The following SLC23A2 variants were observed in gnomAD, a reference collection of about 807,000 sequenced individuals.
SLC23A2 encodes the protein solute carrier family 23 member 2.
Under a neutral mutation model 73.3 loss-of-function variants are expected in SLC23A2, and 36 were observed. That is an observed-to-expected ratio of 0.49 (90% CI 0.38 to 0.65). The LOEUF is 0.65. Among genes scored for constraint, SLC23A2 ranks in the 30% least tolerant of loss-of-function variants. The pLI is 0.00. For synonymous variants in SLC23A2, 343 were observed against 327.3 expected, an observed-to-expected ratio of 1.05 and a Z score of -0.52; for missense variants, 507 against 841.6, an observed-to-expected ratio of 0.60 and a Z score of 4.92.
chr20:5,009,667 G>A (rs1029410240), intron 1 of SLC23A2, among the ~76,000 whole-genome samples: 29 of 152,054 alleles, frequency 1.9e-4, no homozygotes, highest in African/African-American at 6.8e-4. Context: ...AACCAACAGG[G>A]GCTGCCCGCT....
chr20:4,993,866 A>C (rs1335322946), intron 1 of SLC23A2, among the ~76,000 whole-genome samples: 1 of 152,106 alleles, frequency 6.6e-6, no homozygotes, highest in Non-Finnish European at 1.5e-5. Flanking sequence ...AGAGTTCGAG[A>C]CCATCCTGAC....
chr20:4,963,953 G>A (rs758093786), intron 2 of SLC23A2, among the ~76,000 whole-genome samples: 11 of 151,692 alleles, frequency 7.3e-5, no homozygotes, highest in African/African-American at 9.7e-5. Context: ...TTAACATCCC[G>A]TTAACATGCA....
rs904917840 is a variant in SLC23A2, at chr20:4,983,379, G to C, written c.-281-12460C>G. 5.3e-5 allele frequency among the ~76,000 whole-genome samples: 8 copies of C among 152,282 alleles called. No homozygotes were observed. The South Asian group carries it at 1.7e-3, about 32-fold the overall frequency. On this transcript the variant is annotated intron_variant, in intron 1 of 16. Coordinates refer to ENST00000338244, the MANE Select transcript of SLC23A2 (RefSeq NM_005116.6). ...AGACACAAGCAGGCTGGGCGCAGTGGCTCACGCCTGTAATCCCAGCACTTC... is the reference window on the plus strand; with the variant it reads ...AGACACAAGCAGGCTGGGCGCAGTGCCTCACGCCTGTAATCCCAGCACTTC...
chr20:4,942,877 C>T (rs1230831539), intron 2 of SLC23A2, among the ~76,000 whole-genome samples: 1 of 152,076 alleles, frequency 6.6e-6, no homozygotes, highest in African/African-American at 2.4e-5. Flanking sequence ...CCTCCAATGG[C>T]TGAATGAATT....
At chr20:4,960,598 C>T (rs1222160968) in intron 2 of SLC23A2, among the ~76,000 whole-genome samples, 2 of 152,222 alleles carry the variant, frequency 1.3e-5, no homozygotes, top group Non-Finnish European at 2.9e-5. Context: ...TTGTAGCGCA[C>T]GCGCACACGC....
At chr20:4,892,008 C>G (rs1931349347) in intron 6 of SLC23A2, among the ~76,000 whole-genome samples, 1 of 152,106 alleles carries the variant, frequency 6.6e-6, no homozygotes, top group Non-Finnish European at 1.5e-5. Context: ...CCCACTTTGG[C>G]CTCCCAAAGT....
intron 2 of SLC23A2, among the ~76,000 whole-genome samples, chr20:4,963,416 C>A (rs957915978): frequency 1.3e-5 from 2 of 152,100 alleles, no homozygotes; most frequent in Non-Finnish European, 2.9e-5. Flanking sequence ...GGCTTCAGGA[C>A]CCCTTAGTCA....
At position 4,857,248 on chromosome 20, in the gene SLC23A2, CA is replaced by C; in HGVS notation, c.1721-45del. On this transcript the variant is annotated intron_variant, in intron 16 of 16. Coordinates refer to ENST00000338244, the MANE Select transcript of SLC23A2 (RefSeq NM_005116.6). The surrounding 1 kb of genome is among the most constrained non-coding windows in gnomAD (Gnocchi z 4.0). ...TAGAACAAAGGAATGCTTCGTTTAG[CA>C]GCTCTACTGAAAATGAAACTGTCGT... 9.0e-7 allele frequency: 1 copy of C among 1,107,220 alleles called. No homozygotes were observed. Among genetic ancestry groups the C allele is most frequent in the Non-Finnish European group, 1.3e-6 (1 of 756,394 alleles). 68.6% of individuals were successfully genotyped at this position (1,107,220 alleles called of 1,614,324 possible). A position where few individuals can be genotyped will look rare whatever the true frequency, so the allele number is the denominator to read the frequency against.
rs1932802249 is a variant in SLC23A2 at position 4,932,625 on chromosome 20, A to G, written c.-63T>C. 2 of 910,544 alleles carry G rather than the reference A, an allele frequency of 2.2e-6. No homozygotes were observed. Among genetic ancestry groups the G allele is most frequent in the Non-Finnish European group, 3.7e-6 (2 of 540,582 alleles). 56.4% of individuals were successfully genotyped at this position (910,544 alleles called of 1,614,324 possible). On this transcript the variant is annotated 5_prime_UTR_variant, in exon 3 of 17. Coordinates refer to ENST00000338244, the MANE Select transcript of SLC23A2 (RefSeq NM_005116.6). ...GCAGCTGGAAGTGAAGGCTTATTCA[A>G]GCTAGGAGCCCAGGATCAGCCGGCT... is the stretch of plus-strand genomic sequence containing the variant.
intron 3 of SLC23A2, among the ~76,000 whole-genome samples, chr20:4,913,860 C>T (rs946198616): frequency 2.0e-5 from 3 of 151,896 alleles, no homozygotes; most frequent in Non-Finnish European, 4.4e-5. Flanking sequence ...CTCCTAACCT[C>T]AGGTGATCCA....
Position 4,899,415 on chromosome 20 carries a change from G to T in SLC23A2, c.482+140C>A. On this transcript the variant is annotated intron_variant, in intron 6 of 16. Coordinates refer to ENST00000338244, the MANE Select transcript of SLC23A2 (RefSeq NM_005116.6). The surrounding 1 kb of genome is among the most constrained non-coding windows in gnomAD (Gnocchi z 4.9). The stretch of plus-strand genomic sequence containing the variant: ...TGACTGGGAGGAACACTGAGGGGTG[G>T]GGACCAACGGCCACTAGGACATTCC... The T allele has an allele frequency of 1.1e-6, 1 of 901,930 alleles. No homozygotes were observed. Among genetic ancestry groups the T allele is most frequent in the Non-Finnish European group, 1.8e-6 (1 of 566,044 alleles). 55.9% of individuals were successfully genotyped at this position (901,930 alleles called of 1,614,324 possible).
intron 11 of SLC23A2, among the ~76,000 whole-genome samples, chr20:4,873,235 GT>G (rs1483580815): frequency 2.0e-5 from 3 of 152,136 alleles, no homozygotes; most frequent in Non-Finnish European, 4.4e-5. Context: ...AGGGAAAGAA[GT>G]GGGCTGAACC....
At chr20:5,003,405 A>G (rs911865593), upstream of SLC23A2, among the ~76,000 whole-genome samples, 4 of 152,110 alleles carry the variant, frequency 2.6e-5, no homozygotes, top group Non-Finnish European at 5.9e-5. Flanking sequence ...AAAACAAAAC[A>G]AAAACAACAA....
intron 3 of SLC23A2, among the ~76,000 whole-genome samples, chr20:4,923,276 G>A (rs1167832358): frequency 6.6e-6 from 1 of 151,174 alleles, no homozygotes; most frequent in Non-Finnish European, 1.5e-5. Flanking sequence ...GAGGGAGGGA[G>A]GGAGGATGGA....
chr20:4,873,800 T>C, intron 11 of SLC23A2, 136 bp downstream of exon 11: 2 of 811,056 alleles, frequency 2.5e-6, no homozygotes, highest in Non-Finnish European at 3.8e-6. Context: ...TTACTTGCTG[T>C]CTAATCCTCT....
At chr20:4,972,410 TACTC>T (rs1041109270) in intron 1 of SLC23A2, among the ~76,000 whole-genome samples, 2 of 151,568 alleles carry the variant, frequency 1.3e-5, no homozygotes, top group Non-Finnish European at 2.9e-5. Flanking sequence ...TGGGAAAAAA[TACTC>T]ACTTTAAATT....
In SLC23A2 at chr20:4,874,696, C is replaced by T. The variant is rs1280104300; in HGVS notation, c.825G>A (p.Leu275=). 1.3e-6 allele frequency: 2 copies of T among 1,587,162 alleles called. No individual in the cohort carries two copies. The highest frequency in any genetic ancestry group is 1.7e-4 in the Middle Eastern group (1 of 5,950). ...AAAACAGTAATACTAGGAATATTGT[C>T]CTGAGGAGAGAAAGAAAACAAACTA... ...RAGKHWGIAM[L]TIFLVLLFSQ... Residue 275 remains leucine (L), a splice_region_variant and synonymous_variant, in exon 10 of 17, where the codon CTG becomes CTA. Transcript: ENST00000338244.
At chr20:4,889,897 C>G in intron 6 of SLC23A2, among the ~76,000 whole-genome samples, 1 of 152,000 alleles carries the variant, frequency 6.6e-6, no homozygotes. Flanking sequence ...TTTGACTGCA[C>G]ATTTGGAAGA....
intron 1 of SLC23A2, among the ~76,000 whole-genome samples, chr20:4,971,433 G>A (rs2087559147): frequency 1.3e-5 from 2 of 151,822 alleles, no homozygotes; most frequent in South Asian, 4.2e-4. Context: ...GTTGCAGTGA[G>A]CTGTGCAACC....
Sources: gnomAD v4.1 joint callset for allele counts (sites outside exome capture counted in the v4.1 genomes callset) on GRCh38, gnomAD v4.1.1 for gene constraint, Gnocchi (gnomAD v3.1) non-coding constraint, MANE v1.5 for transcripts, NCBI Gene and HGNC (gene_info 2026-07-23, HGNC 2026-07-21) for gene names.